The following AKAP6 variants were observed in gnomAD, a reference collection of about 807,000 sequenced individuals.
AKAP6 encodes the protein A-kinase anchor protein 6.
Under a neutral mutation model 188.5 loss-of-function variants are expected in AKAP6, and 58 were observed. The ratio of observed to expected loss-of-function variants is 0.31; its 90% confidence interval spans 0.25 to 0.38. The LOEUF (loss-of-function observed/expected upper bound fraction) is 0.38. AKAP6 is among the 10% of genes least tolerant of loss of function. The pLI is 1.00. For synonymous variants in AKAP6, 989 were observed against 998.6 expected, an observed-to-expected ratio of 0.99 and a Z score of 0.18; for missense variants, 2,710 against 2,740.0, an observed-to-expected ratio of 0.99 and a Z score of 0.24.
intron 2 of AKAP6, among the ~76,000 whole-genome samples, chr14:32,486,847 C>T (rs550031943): frequency 5.3e-5 from 8 of 152,258 alleles, no homozygotes; most frequent in South Asian, 4.1e-4. Context: ...GAACTTCCAA[C>T]GCTATGTTGA....
At chr14:32,818,689 G>A (rs370302407) in intron 12 of AKAP6, among the ~76,000 whole-genome samples, 4 of 151,548 alleles carry the variant, frequency 2.6e-5, no homozygotes, top group Admixed American at 6.6e-5. Context: ...TCGTAAAGCC[G>A]TAAAGGCAGC....
chr14:32,404,691 G>GATAGATAGATAGATATATAT, intron 1 of AKAP6, among the ~76,000 whole-genome samples: 2 of 44,434 alleles, frequency 4.5e-5, no homozygotes, highest in African/African-American at 1.4e-4. Context: ...GGAGTCAGGA[G>GATAGATAGATAGATATATAT]ATATATATAT....
At chr14:32,542,433 A>G (rs1882999529) in intron 3 of AKAP6, among the ~76,000 whole-genome samples, 1 of 152,210 alleles carries the variant, frequency 6.6e-6, no homozygotes, top group South Asian at 2.1e-4. Flanking sequence ...GTACTTACAA[A>G]CTAGTGGGAA....
intron 1 of AKAP6, among the ~76,000 whole-genome samples, chr14:32,420,720 T>G (rs557626526): frequency 2.0e-5 from 3 of 152,264 alleles, no homozygotes; most frequent in South Asian, 2.1e-4. Context: ...TCTGACCTGT[T>G]GTAGTCTGGA....
intron 2 of AKAP6, chr14:32,495,360 G>A (rs1880255748): frequency 6.6e-6 from 1 of 152,340 alleles, no homozygotes; most frequent in Non-Finnish European, 1.5e-5. Flanking sequence ...ACAGCAGCCT[G>A]TTTAGGACCA....
chr14:32,517,930 T>A (rs911258535), intron 2 of AKAP6, among the ~76,000 whole-genome samples: 1 of 152,186 alleles, frequency 6.6e-6, no homozygotes, highest in Admixed American at 6.5e-5. Flanking sequence ...GTAGCCTAAC[T>A]GGGAGACACG....
At chr14:32,389,224 G>T (rs772350913) in intron 1 of AKAP6, among the ~76,000 whole-genome samples, 2 of 151,986 alleles carry the variant, frequency 1.3e-5, no homozygotes, top group African/African-American at 2.4e-5. Context: ...CCTTAAGTTT[G>T]TGCGAGTCCT....
At chr14:32,737,092 G>A (rs1021820684) in intron 11 of AKAP6, among the ~76,000 whole-genome samples, 3 of 152,100 alleles carry the variant, frequency 2.0e-5, no homozygotes, top group Non-Finnish European at 4.4e-5. Context: ...CTCTACTGCA[G>A]GGAGATGGAA....
chr14:32,354,342 C>T (rs1030709875), intron 1 of AKAP6, among the ~76,000 whole-genome samples: 2 of 151,948 alleles, frequency 1.3e-5, no homozygotes, highest in African/African-American at 2.4e-5. Flanking sequence ...CTACCTGTTC[C>T]CTGCTCTGCC....
intron 2 of AKAP6, among the ~76,000 whole-genome samples, chr14:32,489,047 A>T (rs945114227): frequency 6.6e-6 from 1 of 152,204 alleles, no homozygotes; most frequent in Non-Finnish European, 1.5e-5. Context: ...TATCAAATAA[A>T]ATATTTTTGG....
At chr14:32,494,757 T>C (rs1376047431) in intron 2 of AKAP6, among the ~76,000 whole-genome samples, 6 of 152,090 alleles carry the variant, frequency 3.9e-5, no homozygotes, top group Non-Finnish European at 8.8e-5. Flanking sequence ...TCCCTAACAA[T>C]CCACATCTCT....
At chr14:32,374,168 G>A (rs1451471801) in intron 1 of AKAP6, among the ~76,000 whole-genome samples, 1 of 152,132 alleles carries the variant, frequency 6.6e-6, no homozygotes, top group East Asian at 1.9e-4. Flanking sequence ...GATATGCTGG[G>A]TATTGTGTAT....
intron 1 of AKAP6, among the ~76,000 whole-genome samples, chr14:32,332,365 TGTCATTTG>T: frequency 6.6e-6 from 1 of 151,966 alleles, no homozygotes; most frequent in East Asian, 1.9e-4. Flanking sequence ...TAGAATGAAA[TGTCATTTG>T]CAACACTAAG....
rs370004882 is a variant in AKAP6, at chr14:32,505,397, T to C, written c.325-30157T>C. Among the ~76,000 whole-genome samples, 3 of 151,734 alleles carry C rather than the reference T, an allele frequency of 2.0e-5. No individual in the cohort carries two copies. In the East Asian group the frequency reaches 5.8e-4, roughly 29 times the overall value. ...TATGGTGAGGCAAATGAGGGACTTC[T>C]CAGGCACAAAATTTAAGAGGATGAC... On this transcript the variant is annotated intron_variant, in intron 2 of 13. Coordinates refer to ENST00000280979, the MANE Select transcript of AKAP6 (RefSeq NM_004274.5).
chr14:32,636,724 G>A (rs1257372901), intron 7 of AKAP6, among the ~76,000 whole-genome samples: 1 of 152,136 alleles, frequency 6.6e-6, no homozygotes, highest in East Asian at 1.9e-4. Flanking sequence ...CATGACACTA[G>A]CAGGAAAACA....
intron 11 of AKAP6, among the ~76,000 whole-genome samples, chr14:32,744,285 A>T (rs1269044083): frequency 6.6e-6 from 1 of 150,954 alleles, no homozygotes; most frequent in African/African-American, 2.4e-5. Flanking sequence ...GCTTGGTGTT[A>T]TATTCTGTTC....
intron 2 of AKAP6, among the ~76,000 whole-genome samples, chr14:32,448,047 T>C (rs1444690271): frequency 6.6e-6 from 1 of 152,360 alleles, no homozygotes; most frequent in East Asian, 1.9e-4. Context: ...AAAACATCTA[T>C]AAATGAGGTA....
At chr14:32,573,546 T>C (rs1331632888) in intron 4 of AKAP6, among the ~76,000 whole-genome samples, 3 of 152,186 alleles carry the variant, frequency 2.0e-5, no homozygotes, top group Admixed American at 6.5e-5. Flanking sequence ...ATTCAGGCCT[T>C]AGACATGCTA....
At position 32,822,239 on chromosome 14, in the gene AKAP6, T is replaced by A. The variant is rs764010663; in HGVS notation, c.4426T>A (p.Ser1476Thr). The stretch of plus-strand genomic sequence containing the variant: ...TTATGATTACTCATACCTCCAAGGC[T>A]CAAAACTCAAATTACCAATGATAAT... ...TFYDYSYLQG[S>T]KLKLPMIMKQ... Residue 1476 changes from serine (S) to threonine (T), a missense_variant, in exon 13 of 14, where the codon TCA becomes ACA. Physicochemically the swap from Ser to Thr is moderately conservative, Grantham distance 58. Transcript: ENST00000280979. 1.2e-6 allele frequency: 2 copies of A among 1,613,872 alleles called. No individual in the cohort carries two copies. The highest frequency in any genetic ancestry group is 1.7e-6 in the Non-Finnish European group (2 of 1,179,932).
Sources: gnomAD v4.1 joint callset for allele counts (sites outside exome capture counted in the v4.1 genomes callset) on GRCh38, gnomAD v4.1.1 for gene constraint, MANE v1.5 for transcripts, NCBI Gene and HGNC (gene_info 2026-07-23, HGNC 2026-07-21) for gene names.